ZSCAN10: variants seen among roughly 807,000 people sequenced by gnomAD.
ZSCAN10 encodes the protein zinc finger and SCAN domain-containing protein 10.
Under a neutral mutation model 63.7 loss-of-function variants are expected in ZSCAN10, and 52 were observed. The observed-to-expected ratio is 0.82, with a 90% CI of 0.65 to 1.03. The LOEUF is 1.03. ZSCAN10 is among the 50% of genes least tolerant of loss of function. The probability of loss-of-function intolerance (pLI) is 0.00; values close to 1 mark genes in which losing one functional copy is unlikely to be tolerated. For missense variants in ZSCAN10, 1,223 were observed against 1,103.8 expected, an observed-to-expected ratio of 1.11 and a Z score of -1.53; for synonymous variants, 544 against 479.6, an observed-to-expected ratio of 1.13 and a Z score of -1.76.
In ZSCAN10 at chr16:3,095,631, A is replaced by G. The variant is rs565187109; in HGVS notation, c.-67-2627T>C. ...ATCACCAGGTCAGGAGATCGAGACC[A>G]TCCTGGTTAACACGGTGAAACCCCG... On this transcript the variant is annotated intron_variant, in intron 1 of 5. Coordinates refer to ENST00000576985, the MANE Select transcript of ZSCAN10 (RefSeq NM_032805.3). Among the ~76,000 whole-genome samples the G allele has an allele frequency of 2.0e-5, 3 of 152,068 alleles. No individual in the cohort carries two copies. The South Asian group carries it at 6.2e-4, about 32-fold the overall frequency.
intron 1 of ZSCAN10, among the ~76,000 whole-genome samples, chr16:3,096,150 C>T (rs998612510): frequency 6.6e-6 from 1 of 152,224 alleles, no homozygotes; most frequent in African/African-American, 2.4e-5. Context: ...ATTTCGGCCC[C>T]ACCCACAGGG....
chr16:3,091,922 C>T, intron 3 of ZSCAN10, 94 bp from the exon 4 acceptor site: 1 of 1,597,126 alleles, frequency 6.3e-7, no homozygotes, highest in Admixed American at 1.7e-5. Flanking sequence ...CATCCGGGCC[C>T]TGTGAAGACA....
Position 3,091,559 on chromosome 16 carries a change from C to G in ZSCAN10, c.768G>C (p.Ala256=). The G allele has an allele frequency of 6.2e-7, 1 of 1,614,176 alleles. No individual in the cohort carries two copies. The highest frequency in any genetic ancestry group is 8.5e-7 in the Non-Finnish European group (1 of 1,180,022). ...LTFEDVPENK[A]WPAHPLGFGS... is the part of the protein sequence containing the mutation. ...GCTTACCCAGGGGGTGTGCAGGCCA[C>G]GCCTTATTCTCTGGCACATCCTCAA... The change falls in exon 5 of 6, where the codon GCG becomes GCC. Residue 256 remains alanine, a synonymous_variant. Transcript: ENST00000576985.
At position 3,092,614 on chromosome 16, in the gene ZSCAN10, C is replaced by A. The variant is rs754548635; in HGVS notation, c.324G>T (p.Pro108=). The A allele has an allele frequency of 1.2e-6, 2 of 1,602,732 alleles. No homozygotes were observed. The highest frequency in any genetic ancestry group is 2.2e-5 in the East Asian group (1 of 44,602). Reference sequence around the variant, plus strand: ...GCACCACCTCCTCCCCATCCCTGAGCGGCTGCCCCTGCAGGCGGCCCAGGA... The same window carrying A: ...GCACCACCTCCTCCCCATCCCTGAGAGGCTGCCCCTGCAGGCGGCCCAGGA... ...PHLLGRLQGQ[P]LRDGEEVVLL... is the part of the protein sequence containing the mutation. The change falls in exon 2 of 6, where the codon CCG becomes CCT. Residue 108 remains proline, a synonymous_variant. Coordinates refer to ENST00000576985, the MANE Select transcript of ZSCAN10 (RefSeq NM_032805.3).
At chr16:3,091,187 C>T (rs538237053) in intron 5 of ZSCAN10, among the ~76,000 whole-genome samples, 23 of 152,338 alleles carry the variant, frequency 1.5e-4, no homozygotes, top group African/African-American at 4.3e-4. Flanking sequence ...TGGCACACAC[C>T]TATAGTCCCA....
chr16:3,094,332 A>G (rs898045662), intron 1 of ZSCAN10, among the ~76,000 whole-genome samples: 3 of 151,976 alleles, frequency 2.0e-5, no homozygotes, highest in African/African-American at 7.3e-5. Context: ...CCTAATCTCA[A>G]TCCAACCAGC....
At chr16:3,096,279 C>T (rs1465137283) in intron 1 of ZSCAN10, among the ~76,000 whole-genome samples, 2 of 152,202 alleles carry the variant, frequency 1.3e-5, no homozygotes, top group Non-Finnish European at 2.9e-5. Flanking sequence ...AGGCAGGGGT[C>T]ATTTTATAGA....
In ZSCAN10 at chr16:3,090,054, C is replaced by A; in HGVS notation, c.1380G>T (p.Pro460=). 2 of 1,602,292 alleles carry A rather than the reference C, an allele frequency of 1.2e-6. No homozygotes were observed. Among genetic ancestry groups the A allele is most frequent in the Non-Finnish European group, 1.7e-6 (2 of 1,177,892 alleles). ...CGGCCTTACTCTCAGGAGCGCAGGGCGGCTTCTGGTCCTGGGCGTGCGCCA... is the reference window on the plus strand; with the variant it reads ...CGGCCTTACTCTCAGGAGCGCAGGGAGGCTTCTGGTCCTGGGCGTGCGCCA... ...HLLAHAQDQK[P]PCAPESKAEA... Residue 460 remains proline (P), a synonymous_variant, in exon 6 of 6, where the codon CCG becomes CCT. Transcript: ENST00000576985.
In ZSCAN10 at chr16:3,090,290, C is replaced by T. The variant is rs757518183; in HGVS notation, c.1144G>A (p.Gly382Arg). Residue 382 changes from glycine to arginine, a missense_variant, in exon 6 of 6, where the codon GGG (glycine) becomes AGG (arginine). Gly to Arg is a moderately radical substitution (Grantham distance 125). Coordinates refer to ENST00000576985, the MANE Select transcript of ZSCAN10 (RefSeq NM_032805.3). ...ATGGAGCTGCGGCCGAAGCTCTTCC[C>T]GCAGCAAAGGCACAGGAAGGAGCGC... ...AGRSFLCLCC[G>R]KSFGRSSILK... The T allele has an allele frequency of 1.9e-6, 3 of 1,609,450 alleles. No homozygotes were observed. The highest frequency in any genetic ancestry group is 2.5e-6 in the Non-Finnish European group (3 of 1,179,072).
rs547387209 is a variant in ZSCAN10, at chr16:3,089,348, C to T, written c.2086G>A (p.Gly696Ser). The change falls in exon 6 of 6, where the codon GGT becomes AGT. Residue 696 changes from glycine to serine, a missense_variant. Gly to Ser is a moderately conservative substitution (Grantham distance 56). Transcript: ENST00000576985. ...TGCGCGTTGCGCCGGAAGCTGCGAC[C>T]GCACGTCTGACAGCTGTAGGGCCGC... Reference protein sequence around the residue: ...GERPYSCQTCGRSFRRNAHLR... With the variant: ...GERPYSCQTCSRSFRRNAHLR... The T allele has an allele frequency of 1.3e-6, 2 of 1,594,286 alleles. No individual in the cohort carries two copies. The highest frequency in any genetic ancestry group is 1.1e-5 in the South Asian group (1 of 90,254).
Position 3,092,570 on chromosome 16 carries a change from T to C in ZSCAN10, c.368A>G (p.His123Arg), listed in dbSNP as rs371845936. The C allele has an allele frequency of 3.7e-5, 58 of 1,562,442 alleles. No homozygotes were observed. The highest frequency in any genetic ancestry group is 4.8e-5 in the Non-Finnish European group (56 of 1,156,006). Residue 123 changes from histidine (H) to arginine (R), a missense_variant, in exon 2 of 6, where the codon CAC becomes CGC. Coordinates refer to ENST00000576985, the MANE Select transcript of ZSCAN10 (RefSeq NM_032805.3). Reference sequence around the variant, plus strand: ...CGGCCCCGCGTGGCTGGGCTCCCGGTGGATGCCCTCGAGCAGCAGCACCAC... The same window carrying C: ...CGGCCCCGCGTGGCTGGGCTCCCGGCGGATGCCCTCGAGCAGCAGCACCAC... ...EEVVLLLEGIHREPSHAGPLD... is the reference protein window; with the variant it reads ...EEVVLLLEGIRREPSHAGPLD...
intron 1 of ZSCAN10, among the ~76,000 whole-genome samples, chr16:3,094,471 G>A (rs558892288): frequency 1.6e-4 from 24 of 152,144 alleles, no homozygotes; most frequent in Non-Finnish European, 3.1e-4. Context: ...TCAGCTTCGT[G>A]AGTAGCTGGG....
intron 5 of ZSCAN10, among the ~76,000 whole-genome samples, 167 bp from the exon 6 acceptor site, chr16:3,090,813 C>A (rs1429763356): frequency 6.6e-6 from 1 of 151,568 alleles, no homozygotes; most frequent in African/African-American, 2.4e-5. Flanking sequence ...ACTTTGGGAG[C>A]CCGAGGCGGG....
chr16:3,091,737 G>A (rs1375177081), intron 4 of ZSCAN10, 27 bp downstream of exon 4: 1 of 1,580,610 alleles, frequency 6.3e-7, no homozygotes, highest in Non-Finnish European at 8.6e-7. Flanking sequence ...GGGGCTTGAG[G>A]ACACCCTGGG....
rs745644036 is a variant in ZSCAN10 at position 3,092,221 on chromosome 16, C to T, written c.492G>A (p.Lys164=). Residue 164 remains lysine (K), a synonymous_variant, in exon 3 of 6, where the codon AAG becomes AAA. Transcript: ENST00000576985. ...CASQVPSHSP[K]KELPAEEPSV... is the part of the protein sequence containing the mutation. ...AAGGCTCTTCCGCAGGCAATTCCTT[C>T]TTGGGGCTGTGGCTGGGGACCTGGG... 151 of 1,612,656 alleles carry T rather than the reference C, an allele frequency of 9.4e-5. No individual in the cohort carries two copies. The highest frequency in any genetic ancestry group is 6.6e-4 in the Middle Eastern group (4 of 6,084).
Position 3,089,523 on chromosome 16 carries a change from G to C in ZSCAN10, c.1911C>G (p.Ser637Arg). 1 of 1,600,848 alleles carries C rather than the reference G, an allele frequency of 6.2e-7. No individual in the cohort carries two copies. Among genetic ancestry groups the C allele is most frequent in the Non-Finnish European group, 8.5e-7 (1 of 1,175,034 alleles). The change falls in exon 6 of 6, where the codon AGC (serine) becomes AGG (arginine). Residue 637 changes from serine to arginine, a missense_variant. Transcript: ENST00000576985. ...TCTGGCTGAAGCCCTCACCGCACTC[G>C]CTGCAGCGGCAGGGCTTCTCGCCCG... is the stretch of plus-strand genomic sequence containing the variant. ...SHTGEKPCRC[S>R]ECGEGFSQSA...
intron 1 of ZSCAN10, among the ~76,000 whole-genome samples, chr16:3,098,042 C>CAA (rs371407228): frequency 0.063 from 2,776 of 44,314 alleles, 223 homozygotes; most frequent in African/African-American, 0.19. Context: ...GACCCTGTCT[C>CAA]AAAAAAAAAA....
chr16:3,097,065 C>G (rs972278289), intron 1 of ZSCAN10, among the ~76,000 whole-genome samples: 1 of 151,250 alleles, frequency 6.6e-6, no homozygotes, highest in East Asian at 1.9e-4. Flanking sequence ...TCACTACACT[C>G]CAGCTTGGGC....
intron 1 of ZSCAN10, among the ~76,000 whole-genome samples, chr16:3,094,674 T>A (rs929438362): frequency 6.6e-6 from 1 of 151,918 alleles, no homozygotes; most frequent in African/African-American, 2.4e-5. Flanking sequence ...CAACTTCCAA[T>A]GTTTAGGGCC....
Sources: gnomAD v4.1 joint callset for allele counts (sites outside exome capture counted in the v4.1 genomes callset) on GRCh38, gnomAD v4.1.1 for gene constraint, MANE v1.5 for transcripts, NCBI Gene and HGNC (gene_info 2026-07-23, HGNC 2026-07-21) for gene names.